The following SNX29 variants were observed in gnomAD, a reference collection of about 807,000 sequenced individuals.
SNX29 encodes the protein sorting nexin-29.
SNX29 carries 78 observed loss-of-function variants against 102.1 expected under a neutral mutation model. The observed-to-expected ratio is 0.76, with a 90% CI of 0.64 to 0.92. The LOEUF is 0.92. SNX29 is among the 40% of genes least tolerant of loss of function. The pLI, the probability that SNX29 is intolerant of heterozygous loss-of-function variation, is 0.00. For missense variants in SNX29, 1,280 were observed against 1,061.7 expected, an observed-to-expected ratio of 1.21 and a Z score of -2.86; for synonymous variants, 580 against 414.5, an observed-to-expected ratio of 1.40 and a Z score of -4.85.
chr16:12,027,612 G>T (rs1483398960), intron 4 of SNX29, 168 bp downstream of exon 4: 4 of 718,338 alleles, frequency 5.6e-6, no homozygotes, highest in Non-Finnish European at 6.4e-6. Flanking sequence ...TAATGGTGTT[G>T]TCTGGCATCT....
intron 15 of SNX29, among the ~76,000 whole-genome samples, chr16:12,308,493 C>T (rs1203095964): frequency 6.6e-6 from 1 of 152,128 alleles, no homozygotes; most frequent in African/African-American, 2.4e-5. Flanking sequence ...TGTCATTAAT[C>T]CTCAGGTCAC....
intron 15 of SNX29, among the ~76,000 whole-genome samples, chr16:12,309,615 A>T (rs1031091397): frequency 6.6e-6 from 1 of 152,182 alleles, no homozygotes; most frequent in African/African-American, 2.4e-5. Context: ...ACCTGTCGTC[A>T]CATAGTAGGT....
At chr16:12,213,974 C>T (rs1303000454) in intron 14 of SNX29, among the ~76,000 whole-genome samples, 1 of 152,120 alleles carries the variant, frequency 6.6e-6, no homozygotes, top group Non-Finnish European at 1.5e-5. Context: ...GCTAAAGTCC[C>T]ATCAAGCCAC....
intron 18 of SNX29, among the ~76,000 whole-genome samples, chr16:12,429,109 G>C (rs901021567): frequency 7.9e-5 from 12 of 151,932 alleles, no homozygotes; most frequent in African/African-American, 2.9e-4. Context: ...ATACGATTGC[G>C]ATTAATAGCT....
At chr16:12,547,875 T>G (rs1179564567) in intron 20 of SNX29, among the ~76,000 whole-genome samples, 2 of 152,126 alleles carry the variant, frequency 1.3e-5, no homozygotes, top group African/African-American at 4.8e-5. Flanking sequence ...GCCACTTCCT[T>G]CAGCAGCAGT....
rs536734704 is a variant in SNX29 at position 12,485,645 on chromosome 16, G to A, written c.2178+7786G>A. 3.7e-4 allele frequency among the ~76,000 whole-genome samples: 56 copies of A among 152,282 alleles called. 1 individual carries two copies. The highest frequency in any genetic ancestry group is 3.2e-3 in the Admixed American group (49 of 15,298). ...GTGGGAGCGAGTGGACCTCATGCAG[G>A]AACCAGAGGCAAATGTGTACCGAGT... is the stretch of plus-strand genomic sequence containing the variant. On this transcript the variant is annotated intron_variant, in intron 19 of 20. Transcript: ENST00000566228.
At chr16:12,150,182 C>G (rs2055237486) in intron 13 of SNX29, among the ~76,000 whole-genome samples, 2 of 152,078 alleles carry the variant, frequency 1.3e-5, no homozygotes, top group African/African-American at 4.8e-5. Flanking sequence ...ATAATCCCCT[C>G]CTGGGCATTG....
At chr16:12,027,127 A>C (rs1279607006) in intron 3 of SNX29, among the ~76,000 whole-genome samples, 193 bp from the exon 4 acceptor site, 1 of 152,200 alleles carries the variant, frequency 6.6e-6, no homozygotes, top group Non-Finnish European at 1.5e-5. Context: ...GAGCTCTGTG[A>C]AATGAACATC....
At chr16:12,494,485 A>T (rs2088712352) in intron 19 of SNX29, among the ~76,000 whole-genome samples, 1 of 152,122 alleles carries the variant, frequency 6.6e-6, no homozygotes, top group Admixed American at 6.5e-5. Context: ...CGCAGATTGC[A>T]TTCTTTCACT....
At chr16:12,470,553 GGAACGCT>G (rs2151793179) in intron 18 of SNX29, among the ~76,000 whole-genome samples, 1 of 152,272 alleles carries the variant, frequency 6.6e-6, no homozygotes, top group South Asian at 2.1e-4. Flanking sequence ...AGAAGCCCGG[GGAACGCT>G]TCCCGGGTTT....
chr16:12,420,079 A>G (rs874567), intron 18 of SNX29, among the ~76,000 whole-genome samples: 7,202 of 152,258 alleles, frequency 0.047, 332 homozygotes, highest in East Asian at 0.27. Context: ...CTGGGTTACA[A>G]GGGGTCCCCT....
chr16:12,283,046 A>C (rs990926269), intron 15 of SNX29, among the ~76,000 whole-genome samples: 1 of 152,208 alleles, frequency 6.6e-6, no homozygotes, highest in Non-Finnish European at 1.5e-5. Context: ...GAGGAGGCAC[A>C]CTTTACTCTG....
In SNX29 at chr16:12,570,520, G is replaced by T; in HGVS notation, c.*1891G>T. On this transcript the variant is annotated 3_prime_UTR_variant, in exon 21 of 21. Transcript: ENST00000566228. ...CCTTAGGTTGGGTTTATGCCACATC[G>T]GTCATTTTGAAGTAGGTGTTTGATG... 2 of 232,488 alleles carry T rather than the reference G, an allele frequency of 8.6e-6. No homozygotes were observed. Among genetic ancestry groups the T allele is most frequent in the East Asian group, 6.1e-5 (1 of 16,490 alleles). The allele number at this position is 232,488 out of a possible 1,614,324, so 14.4% of individuals were successfully genotyped here.
At chr16:12,277,377 G>T (rs1354080318) in intron 14 of SNX29, among the ~76,000 whole-genome samples, 2 of 152,048 alleles carry the variant, frequency 1.3e-5, no homozygotes, top group African/African-American at 4.8e-5. Flanking sequence ...CTATACTCCA[G>T]CCTGGGTGAC....
In SNX29 at chr16:12,101,639, T is replaced by C. The variant is rs997900952; in HGVS notation, c.1402+22724T>C. 4.6e-5 allele frequency among the ~76,000 whole-genome samples: 7 copies of C among 152,118 alleles called. No homozygotes were observed. The East Asian group carries it at 1.3e-3, about 29-fold the overall frequency. ...CCTCAAGTGATCTGCCTGCCTTGGC[T>C]TCCCAAAGTGCTGGGATTGCTGGCA... On this transcript the variant is annotated intron_variant, in intron 11 of 20. Transcript: ENST00000566228.
chr16:12,407,998 G>A (rs1482911135), intron 18 of SNX29, among the ~76,000 whole-genome samples: 23 of 151,980 alleles, frequency 1.5e-4, no homozygotes. Flanking sequence ...CTCTCCAAAA[G>A]AATGTAAAAA....
At chr16:12,262,367 AC>A (rs2078800133) in intron 14 of SNX29, among the ~76,000 whole-genome samples, 1 of 152,114 alleles carries the variant, frequency 6.6e-6, no homozygotes, top group Non-Finnish European at 1.5e-5. Context: ...CAAAATTTAA[AC>A]TGCATCCCCT....
chr16:12,082,728 G>A (rs374888667), intron 11 of SNX29, among the ~76,000 whole-genome samples: 52 of 152,264 alleles, frequency 3.4e-4, no homozygotes, highest in African/African-American at 1.1e-3. Context: ...GTGTGTGGGT[G>A]GCTGGGACAA....
chr16:12,551,201 G>A lies in SNX29; in HGVS notation c.2319-17305G>A, dbSNP rs913668875. Among the ~76,000 whole-genome samples, 8 of 151,310 alleles carry A rather than the reference G, an allele frequency of 5.3e-5. No homozygotes were observed. The Admixed American group carries it at 5.3e-4, about 10-fold the overall frequency. On this transcript the variant is annotated intron_variant, in intron 20 of 20. Coordinates refer to ENST00000566228, the MANE Select transcript of SNX29 (RefSeq NM_032167.5). ...CAGACTTCCCCACAGAGAGCCTTTA[G>A]GAACACACTGCACTCAGATTTGCCA...
Sources: gnomAD v4.1 joint callset for allele counts (sites outside exome capture counted in the v4.1 genomes callset) on GRCh38, gnomAD v4.1.1 for gene constraint, MANE v1.5 for transcripts, NCBI Gene and HGNC (gene_info 2026-07-23, HGNC 2026-07-21) for gene names.